Variants in PCDHGA6 observed in about 807,000 individuals in gnomAD.
The protein encoded by PCDHGA6 is protocadherin gamma-A6.
A neutral mutation model predicts 60.6 loss-of-function variants in PCDHGA6; 41 were observed. The ratio of observed to expected loss-of-function variants is 0.68; its 90% confidence interval spans 0.53 to 0.88. The LOEUF (loss-of-function observed/expected upper bound fraction) is 0.88, where lower values mean the gene tolerates loss of function less well. Ranked by LOEUF, PCDHGA6 falls within the 40% of genes least tolerant of loss-of-function variation. PCDHGA6 has a pLI of 0.00. For missense variants in PCDHGA6, 1,312 were observed against 1,203.0 expected (o/e 1.09, Z -1.34); for synonymous variants, 594 against 524.4 (o/e 1.13, Z -1.81).
intron 1 of PCDHGA6, among the ~76,000 whole-genome samples, chr5:141,433,766 G>A (rs2097649774): frequency 6.6e-6 from 1 of 151,888 alleles, no homozygotes; most frequent in South Asian, 2.1e-4. Flanking sequence ...TAACCTGGGA[G>A]GTGGAGGTTG....
At chr5:141,481,220 C>T (rs896803040) in intron 1 of PCDHGA6, among the ~76,000 whole-genome samples, 1 of 152,130 alleles carries the variant, frequency 6.6e-6, no homozygotes, top group African/African-American at 2.4e-5. Context: ...GGTAAGGTCT[C>T]CCAGCCTTAA....
At chr5:141,394,071 A>G (rs953618981) in intron 1 of PCDHGA6, 1 of 1,613,908 alleles carries the variant, frequency 6.2e-7, no homozygotes, top group Non-Finnish European at 8.5e-7. Context: ...TATCTACAAT[A>G]TCACAGTGAT....
Position 141,456,380 on chromosome 5 carries a change from C to T in PCDHGA6, c.2425-38427C>T, listed in dbSNP as rs186993611. ...CCATGTGTGGTTCAGTTTACAGCAC[C>T]GTTTGGAGTTTGATTGCTTCTAGGC... is the stretch of plus-strand genomic sequence containing the variant. On this transcript the variant is annotated intron_variant, in intron 1 of 3. Coordinates refer to ENST00000517434, the MANE Select transcript of PCDHGA6 (RefSeq NM_018919.3). Among the ~76,000 whole-genome samples, 427 of 152,082 alleles carry T rather than the reference C, an allele frequency of 2.8e-3. 1 individual carries two copies. Among genetic ancestry groups the T allele is most frequent in the Non-Finnish European group, 2.7e-3 (184 of 68,004 alleles).
intron 1 of PCDHGA6, chr5:141,376,964 G>C (rs1365805251): frequency 6.2e-6 from 1 of 160,316 alleles, no homozygotes; most frequent in Non-Finnish European, 1.4e-5. Flanking sequence ...TGGGATTACA[G>C]GCGTGAGCCA....
At chr5:141,501,691 G>C (rs910322085) in intron 2 of PCDHGA6, among the ~76,000 whole-genome samples, 1 of 152,092 alleles carries the variant, frequency 6.6e-6, no homozygotes, top group Non-Finnish European at 1.5e-5. Context: ...CTTATCTGCA[G>C]GGTGATTCCG....
intron 1 of PCDHGA6, chr5:141,390,260 C>T (rs1206984031): frequency 6.2e-7 from 1 of 1,614,002 alleles, no homozygotes; most frequent in Non-Finnish European, 8.5e-7. Context: ...TTTGTAATTC[C>T]AGTGAATTGA....
intron 1 of PCDHGA6, chr5:141,478,917 T>A: frequency 1.3e-6 from 1 of 772,666 alleles, no homozygotes; most frequent in Middle Eastern, 3.9e-4. Flanking sequence ...TGGATACCTC[T>A]AACCAGTGGC....
chr5:141,394,132 T>C, intron 1 of PCDHGA6: 1 of 1,613,980 alleles, frequency 6.2e-7, no homozygotes, highest in Non-Finnish European at 8.5e-7. Flanking sequence ...CAAATCGCTC[T>C]GCACGTGGCA....
chr5:141,415,163 C>G (rs572456395), intron 1 of PCDHGA6: 11 of 1,613,856 alleles, frequency 6.8e-6, no homozygotes, highest in African/African-American at 1.3e-5. Context: ...GCCACTGTCA[C>G]GCTCACCGTG....
At chr5:141,422,187 T>A in intron 1 of PCDHGA6, 1 of 1,561,762 alleles carries the variant, frequency 6.4e-7, no homozygotes, top group South Asian at 1.2e-5. Context: ...AGATGGAAAT[T>A]CAAGGCCAAG....
intron 1 of PCDHGA6, 78 bp from the exon 2 acceptor site, chr5:141,494,729 C>CG: frequency 6.2e-7 from 1 of 1,610,168 alleles, no homozygotes; most frequent in South Asian, 1.1e-5. Context: ...CCTTCTCTCC[C>CG]GGCCCATCCC....
chr5:141,394,502 G>T, intron 1 of PCDHGA6: 1 of 1,614,226 alleles, frequency 6.2e-7, no homozygotes, highest in Non-Finnish European at 8.5e-7. Flanking sequence ...CCGAGATCCT[G>T]TACCCCGCCC....
chr5:141,396,025 T>G (rs1486088514), intron 1 of PCDHGA6: 4 of 152,248 alleles, frequency 2.6e-5, no homozygotes, highest in African/African-American at 2.4e-5. Context: ...TTGTAAAATA[T>G]GTAAGAACAT....
In PCDHGA6 at chr5:141,374,208, G is replaced by A. The variant is rs777295061; in HGVS notation, c.125G>A (p.Gly42Asp). 2 of 1,613,952 alleles carry A rather than the reference G, an allele frequency of 1.2e-6. No individual in the cohort carries two copies. Among genetic ancestry groups the A allele is most frequent in the East Asian group, 2.2e-5 (1 of 44,884 alleles). Residue 42 changes from glycine to aspartate, a missense_variant, in exon 1 of 4, where the codon GGC (glycine) becomes GAC (aspartate). Gly to Asp is a moderately conservative substitution (Grantham distance 94). Coordinates refer to ENST00000517434, the MANE Select transcript of PCDHGA6 (RefSeq NM_018919.3). ...RYSIPEELEK[G>D]SFVGNIVKDL... ...TCTATTCCCGAGGAGCTGGAGAAAGGCTCCTTCGTAGGCAACATCGTCAAG... is the reference window on the plus strand; with the variant it reads ...TCTATTCCCGAGGAGCTGGAGAAAGACTCCTTCGTAGGCAACATCGTCAAG...
rs779542409 is a variant in PCDHGA6, at chr5:141,392,788, T to G, written c.2424+16281T>G. The G allele has an allele frequency of 3.9e-6, 6 of 1,553,762 alleles. No individual in the cohort carries two copies. The East Asian group carries it at 1.1e-4, about 30-fold the overall frequency. On this transcript the variant is annotated intron_variant, in intron 1 of 3. Coordinates refer to ENST00000517434, the MANE Select transcript of PCDHGA6 (RefSeq NM_018919.3). ...ACCCATTTATGCACAGTGAAGATTC[T>G]GAGAGGATTCTGCAGCAAAACAACA...
At position 141,486,447 on chromosome 5, in the gene PCDHGA6, T is replaced by A. The variant is rs1452869378; in HGVS notation, c.2425-8360T>A. 6.2e-7 allele frequency: 1 copy of A among 1,614,058 alleles called. No individual in the cohort carries two copies. The highest frequency in any genetic ancestry group is 1.7e-5 in the Admixed American group (1 of 60,012). On this transcript the variant is annotated intron_variant, in intron 1 of 3. Coordinates refer to ENST00000517434, the MANE Select transcript of PCDHGA6 (RefSeq NM_018919.3). This position sits in a 1 kb window ranked among gnomAD's most constrained non-coding sequence, Gnocchi z 5.0. Reference sequence around the variant, plus strand: ...GCCAAATCTAGCTATGACATCATGGTCACTGCTTCTGATGCTGGGAACCCT... The same window carrying A: ...GCCAAATCTAGCTATGACATCATGGACACTGCTTCTGATGCTGGGAACCCT...
intron 1 of PCDHGA6, chr5:141,421,734 G>T: frequency 6.2e-7 from 1 of 1,613,948 alleles, no homozygotes; most frequent in Non-Finnish European, 8.5e-7. Flanking sequence ...ACTCCCTCCA[G>T]AGCTACCAGC....
chr5:141,397,375 T>C (rs2093516481), intron 1 of PCDHGA6, among the ~76,000 whole-genome samples: 1 of 152,174 alleles, frequency 6.6e-6, no homozygotes, highest in South Asian at 2.1e-4. Context: ...TGTTTGGGGA[T>C]TGGTATAAAA....
At chr5:141,460,795 G>A (rs1007673184) in intron 1 of PCDHGA6, among the ~76,000 whole-genome samples, 3 of 151,492 alleles carry the variant, frequency 2.0e-5, no homozygotes, top group African/African-American at 4.9e-5. Flanking sequence ...TACACACAAA[G>A]TATATATATG....
Sources: allele counts gnomAD v4.1 joint callset (sites outside exome capture counted in the v4.1 genomes callset), GRCh38; gene constraint gnomAD v4.1.1; non-coding constraint Gnocchi (gnomAD v3.1); transcripts MANE v1.5; gene names NCBI Gene and HGNC (gene_info 2026-07-23, HGNC 2026-07-21).